ECT2L: variants seen among roughly 807,000 people sequenced by gnomAD.
ECT2L encodes the protein epithelial cell-transforming sequence 2 oncogene-like.
Under a neutral mutation model 122.8 loss-of-function variants are expected in ECT2L, and 126 were observed. That is an observed-to-expected ratio of 1.03 (90% CI 0.89 to 1.19). The LOEUF (loss-of-function observed/expected upper bound fraction) is 1.19. Among genes scored for constraint, ECT2L ranks in the 50% most tolerant of loss-of-function variants. ECT2L has a pLI of 0.00. For synonymous variants in ECT2L, 385 were observed against 381.8 expected, an observed-to-expected ratio of 1.01 and a Z score of -0.10; for missense variants, 1,012 against 1,064.1, an observed-to-expected ratio of 0.95 and a Z score of 0.68.
At position 138,903,838 on chromosome 6, in the gene ECT2L, A is replaced by G. The variant is rs1014907158; in HGVS notation, c.*1211A>G. On this transcript the variant is annotated 3_prime_UTR_variant, in exon 22 of 22. Coordinates refer to ENST00000541398, the MANE Select transcript of ECT2L (RefSeq NM_001077706.3). ...CAGGTAAAAATTGTATTAATCTTGG[A>G]AGCTTGAGGTTGTCAGTTTCCCTTG... 2.0e-5 allele frequency: 3 copies of G among 152,154 alleles called. No homozygotes were observed. The highest frequency in any genetic ancestry group is 7.2e-5 in the African/African-American group (3 of 41,452). The allele number at this position is 152,154 out of a possible 1,614,324, so 9.4% of individuals were successfully genotyped here.
chr6:138,841,814 G>A (rs1281362976), intron 5 of ECT2L, among the ~76,000 whole-genome samples: 2 of 152,140 alleles, frequency 1.3e-5, no homozygotes, highest in East Asian at 3.9e-4. Context: ...ATAATTGTTT[G>A]TATAATATTT....
intron 4 of ECT2L, among the ~76,000 whole-genome samples, chr6:138,838,003 T>C (rs566319049): frequency 1.3e-5 from 2 of 151,848 alleles, no homozygotes; most frequent in South Asian, 4.2e-4. Context: ...TGGGTTCAAG[T>C]GATTCTCCTG....
At chr6:138,850,296 C>A (rs1777389741) in intron 9 of ECT2L, among the ~76,000 whole-genome samples, 1 of 152,148 alleles carries the variant, frequency 6.6e-6, no homozygotes, top group African/African-American at 2.4e-5. Context: ...AGGCGTCCAC[C>A]ACCATGCCTG....
intron 10 of ECT2L, among the ~76,000 whole-genome samples, chr6:138,860,702 G>T (rs1777794517): frequency 7.2e-6 from 1 of 138,914 alleles, no homozygotes; most frequent in Non-Finnish European, 1.6e-5. Flanking sequence ...GCCACTGAAG[G>T]GGCTATTTTT....
At chr6:138,860,566 G>A (rs1379990492) in intron 10 of ECT2L, among the ~76,000 whole-genome samples, 2 of 152,122 alleles carry the variant, frequency 1.3e-5, no homozygotes, top group Non-Finnish European at 2.9e-5. Context: ...CCTGTTTCAT[G>A]CAGTAATTGA....
chr6:138,847,669 A>C (rs1282984502), intron 8 of ECT2L, among the ~76,000 whole-genome samples: 1 of 150,362 alleles, frequency 6.7e-6, no homozygotes, highest in Admixed American at 6.7e-5. Flanking sequence ...AAGCCACCGC[A>C]CCCAGCCTAA....
intron 7 of ECT2L, 89 bp from the exon 8 acceptor site, chr6:138,846,450 A>G: frequency 7.6e-7 from 1 of 1,310,916 alleles, no homozygotes; most frequent in Non-Finnish European, 1.0e-6. Context: ...TGTAGAGTAG[A>G]GCTGATGCCC....
chr6:138,872,006 C>A (rs1338984195), intron 13 of ECT2L, among the ~76,000 whole-genome samples: 3 of 151,770 alleles, frequency 2.0e-5, no homozygotes, highest in Admixed American at 1.3e-4. Flanking sequence ...TGGGGCCTCG[C>A]TCTGTCACCC....
intron 11 of ECT2L, 126 bp from the exon 12 acceptor site, chr6:138,864,870 T>G: frequency 2.3e-6 from 2 of 866,740 alleles, no homozygotes; most frequent in Non-Finnish European, 3.4e-6. Context: ...TGTCTTAGTC[T>G]TCTAATGAGA....
intron 4 of ECT2L, among the ~76,000 whole-genome samples, chr6:138,835,329 G>A (rs935638156): frequency 1.3e-5 from 2 of 151,992 alleles, no homozygotes; most frequent in Admixed American, 6.5e-5. Context: ...CAGGCGGATC[G>A]CTTGAGCTTA....
intron 11 of ECT2L, among the ~76,000 whole-genome samples, chr6:138,864,229 C>T (rs1177848897): frequency 4.6e-5 from 7 of 151,744 alleles, no homozygotes; most frequent in Admixed American, 2.6e-4. Flanking sequence ...GGCTGAGGCA[C>T]GAGAATTGCC....
At chr6:138,871,969 T>A (rs1778271928) in intron 13 of ECT2L, among the ~76,000 whole-genome samples, 1 of 151,422 alleles carries the variant, frequency 6.6e-6, no homozygotes, top group South Asian at 2.1e-4. Flanking sequence ...GAGTCTTTAT[T>A]TTATTTTTTA....
chr6:138,900,763 C>CA (rs1217082731), intron 20 of ECT2L, among the ~76,000 whole-genome samples, 185 bp from the exon 21 acceptor site: 1 of 152,154 alleles, frequency 6.6e-6, no homozygotes, highest in Non-Finnish European at 1.5e-5. Context: ...GACCTGACCT[C>CA]AGAGACACAG....
At position 138,848,919 on chromosome 6, in the gene ECT2L, T is replaced by G. The variant is rs376139901; in HGVS notation, c.904-350T>G. Among the ~76,000 whole-genome samples, 28 of 152,268 alleles carry G rather than the reference T, an allele frequency of 1.8e-4. No homozygotes were observed. In the East Asian group the frequency reaches 2.5e-3, roughly 14 times the overall value. On this transcript the variant is annotated intron_variant, in intron 8 of 21. Transcript: ENST00000541398. ...ATCCGTCAGCCTCGGTCTCCCAGAG[T>G]GCTGGGATTACAAGTGTAAGCCACT...
intron 13 of ECT2L, chr6:138,870,345 C>T (rs1778208760): frequency 6.6e-6 from 1 of 152,586 alleles, no homozygotes; most frequent in South Asian, 2.1e-4. Flanking sequence ...ATTTTTATGC[C>T]ATTGCTTTTC....
chr6:138,842,919 A>G, intron 5 of ECT2L, 60 bp from the exon 6 acceptor site: 1 of 1,383,238 alleles, frequency 7.2e-7, no homozygotes, highest in Non-Finnish European at 9.5e-7. Flanking sequence ...ACCTGAAAAT[A>G]TTATTGCTAG....
intron 4 of ECT2L, among the ~76,000 whole-genome samples, chr6:138,828,013 A>G (rs940645641): frequency 6.6e-6 from 1 of 151,998 alleles, no homozygotes; most frequent in Non-Finnish European, 1.5e-5. Context: ...TACATGCGCC[A>G]TGTTGGTGTG....
In ECT2L at chr6:138,846,347, A is replaced by C. The variant is rs536286621; in HGVS notation, c.765-192A>C. ...CACATGTGGTGGAGGAGAGGCTCAG[A>C]GAACAGATTTGGCCTCACTACACCC... On this transcript the variant is annotated intron_variant, in intron 7 of 21. Transcript: ENST00000541398. Among the ~76,000 whole-genome samples the C allele has an allele frequency of 8.5e-5, 13 of 152,320 alleles. No individual in the cohort carries two copies. The South Asian group carries it at 2.7e-3, about 32-fold the overall frequency.
chr6:138,833,200 G>A (rs1046029121), intron 4 of ECT2L, among the ~76,000 whole-genome samples: 17 of 152,108 alleles, frequency 1.1e-4, no homozygotes, highest in Non-Finnish European at 7.4e-5. Context: ...ATGAGATATG[G>A]GTGGGGACAT....
Sources: gnomAD v4.1 joint callset for allele counts (sites outside exome capture counted in the v4.1 genomes callset) on GRCh38, gnomAD v4.1.1 for gene constraint, MANE v1.5 for transcripts, NCBI Gene and HGNC (gene_info 2026-07-23, HGNC 2026-07-21) for gene names.